EID1: variants seen among roughly 807,000 people sequenced by gnomAD.
EID1 encodes the protein EP300-interacting inhibitor of differentiation 1.
EID1 carries 3 observed loss-of-function variants against 13.7 expected under a neutral mutation model. The observed-to-expected ratio is 0.22, with a 90% CI of 0.10 to 0.57. EID1 has a LOEUF of 0.57. EID1 is among the 20% of genes least tolerant of loss of function. The pLI is 0.92. For missense variants in EID1, 261 were observed against 247.6 expected, an observed-to-expected ratio of 1.05 and a Z score of -0.36; for synonymous variants, 105 against 97.6, an observed-to-expected ratio of 1.08 and a Z score of -0.44.
Position 48,878,430 on chromosome 15 carries a change from C to G in EID1, c.254C>G (p.Pro85Arg). The G allele has an allele frequency of 6.2e-7, 1 of 1,612,660 alleles. No individual in the cohort carries two copies. Among genetic ancestry groups the G allele is most frequent in the South Asian group, 1.1e-5 (1 of 90,926 alleles). ...AACGGGCCCAACGCTGGGGAGCAGC[C>G]AGGCCAGGTGGCGGGCGCAGACTTC... ...LANGPNAGEQ[P>R]GQVAGADFES... The change falls in exon 1 of 1, where the codon CCA (proline) becomes CGA (arginine). Residue 85 changes from proline to arginine, a missense_variant. By Grantham distance (103) the Pro-to-Arg change is moderately radical. Coordinates refer to ENST00000530028, the MANE Select transcript of EID1 (RefSeq NM_014335.3).
Position 48,878,484 on chromosome 15 carries a change from A to C in EID1, c.308A>C (p.Asp103Ala). ...FESEDEGEEF[D>A]DWEDDYDYPE... ...AGCGAGGACGAGGGCGAGGAATTTG[A>C]TGACTGGGAGGACGACTACGACTAT... is the stretch of plus-strand genomic sequence containing the variant. The change falls in exon 1 of 1, where the codon GAT becomes GCT. Residue 103 changes from aspartate to alanine, a missense_variant. Transcript: ENST00000530028. 1 of 1,613,924 alleles carries C rather than the reference A, an allele frequency of 6.2e-7. No homozygotes were observed. The highest frequency in any genetic ancestry group is 8.5e-7 in the Non-Finnish European group (1 of 1,179,830).
Position 48,878,329 on chromosome 15 carries a change from G to T in EID1, c.153G>T (p.Gln51His), listed in dbSNP as rs528956826. 6.2e-7 allele frequency: 1 copy of T among 1,613,666 alleles called. No homozygotes were observed. The highest frequency in any genetic ancestry group is 1.3e-5 in the African/African-American group (1 of 75,066). ...GTCCCTCCCGCAGCGGGGCCCAACA[G>T]CTCGAGGAGGAAGGCCCAATGGAGG... is the stretch of plus-strand genomic sequence containing the variant. ...SLRPSRSGAQ[Q>H]LEEEGPMEEE... is the part of the protein sequence containing the mutation. The change falls in exon 1 of 1, where the codon CAG becomes CAT. Residue 51 changes from glutamine (Q) to histidine (H), a missense_variant. By Grantham distance (24) the Gln-to-His change is conservative. This residue lies in a region of EID1 where 244 missense variants were observed against 210.8 expected (regional missense o/e 1.16). Coordinates refer to ENST00000530028, the MANE Select transcript of EID1 (RefSeq NM_014335.3).
At position 48,879,666 on chromosome 15, in the gene EID1, A is replaced by T. The variant is rs1369271392; in HGVS notation, c.*926A>T. 6.0e-6 allele frequency: 1 copy of T among 167,116 alleles called. No homozygotes were observed. The allele number at this position is 167,116 out of a possible 1,614,324, so 10.4% of individuals were successfully genotyped here. A position where few individuals can be genotyped will look rare whatever the true frequency, so the allele number is the denominator to read the frequency against. On this transcript the variant is annotated 3_prime_UTR_variant, in exon 1 of 1. Coordinates refer to ENST00000530028, the MANE Select transcript of EID1 (RefSeq NM_014335.3). ...ATCTAAAAAGACTTTATGAACAGTTATTCTATCAACTTTTAAAGGTTTTAA... is the reference window on the plus strand; with the variant it reads ...ATCTAAAAAGACTTTATGAACAGTTTTTCTATCAACTTTTAAAGGTTTTAA...
Position 48,878,586 on chromosome 15 carries a change from G to T in EID1, c.410G>T (p.Arg137Ile). ...ALEEADKMFL[R>I]TREPALDGGF... ...GAAGAAGCCGACAAGATGTTTCTGAGAACAAGAGAACCAGCCCTGGATGGC... is the reference window on the plus strand; with the variant it reads ...GAAGAAGCCGACAAGATGTTTCTGATAACAAGAGAACCAGCCCTGGATGGC... Residue 137 changes from arginine to isoleucine, a missense_variant, in exon 1 of 1, where the codon AGA becomes ATA. Arg to Ile is a moderately conservative substitution (Grantham distance 97). This residue lies in a region of EID1 where 244 missense variants were observed against 210.8 expected (regional missense o/e 1.16). Coordinates refer to ENST00000530028, the MANE Select transcript of EID1 (RefSeq NM_014335.3). The T allele has an allele frequency of 6.2e-7, 1 of 1,614,064 alleles. No individual in the cohort carries two copies. Among genetic ancestry groups the T allele is most frequent in the Non-Finnish European group, 8.5e-7 (1 of 1,179,906 alleles).
rs933968403 is a variant in EID1 at position 48,880,155 on chromosome 15, G to T, written c.*1415G>T. 1 of 167,094 alleles carries T rather than the reference G, an allele frequency of 6.0e-6. No individual in the cohort carries two copies. Among genetic ancestry groups the T allele is most frequent in the Non-Finnish European group, 1.5e-5 (1 of 68,118 alleles). The allele number at this position is 167,094 out of a possible 1,614,324, so 10.4% of individuals were successfully genotyped here. On this transcript the variant is annotated 3_prime_UTR_variant, in exon 1 of 1. Transcript: ENST00000530028. ...GCTTCTGCTCCATTATAGCAGTAAAGAACGAATATCCAATGCAACAGGACA... is the reference window on the plus strand; with the variant it reads ...GCTTCTGCTCCATTATAGCAGTAAATAACGAATATCCAATGCAACAGGACA...
In EID1 at chr15:48,879,635, C is replaced by T. The variant is rs905508638; in HGVS notation, c.*895C>T. The T allele has an allele frequency of 4.8e-5, 8 of 166,946 alleles. No homozygotes were observed. Among genetic ancestry groups the T allele is most frequent in the Admixed American group, 2.0e-4 (3 of 15,268 alleles). 10.3% of individuals were successfully genotyped at this position (166,946 alleles called of 1,614,324 possible). ...TTAATAAAAGTTGTCAAGTAAAAAG[C>T]GCTATATCTAAAAAGACTTTATGAA... On this transcript the variant is annotated 3_prime_UTR_variant, in exon 1 of 1. Transcript: ENST00000530028.
chr15:48,878,240 A>C lies in EID1; in HGVS notation c.64A>C (p.Met22Leu). Residue 22 changes from methionine (M) to leucine (L), a missense_variant, in exon 1 of 1, where the codon ATG (methionine) becomes CTG (leucine). This residue lies in a region of EID1 where 244 missense variants were observed against 210.8 expected (regional missense o/e 1.16). Coordinates refer to ENST00000530028, the MANE Select transcript of EID1 (RefSeq NM_014335.3). ...EESSDLQMDV[M>L]PGEGDLPQME... ...GAGCAGTGACCTGCAGATGGATGTG[A>C]TGCCTGGCGAGGGTGACCTTCCGCA... is the stretch of plus-strand genomic sequence containing the variant. The C allele has an allele frequency of 6.2e-7, 1 of 1,610,248 alleles. No homozygotes were observed. Among genetic ancestry groups the C allele is most frequent in the East Asian group, 2.2e-5 (1 of 44,856 alleles).
chr15:48,879,887 A>G lies in EID1; in HGVS notation c.*1147A>G, dbSNP rs1236132446. ...TATGTGTTAACCAGTATTAAGGGAA[A>G]ATGATCCAGCTTCAGCTATCTAATT... is the stretch of plus-strand genomic sequence containing the variant. On this transcript the variant is annotated 3_prime_UTR_variant, in exon 1 of 1. Coordinates refer to ENST00000530028, the MANE Select transcript of EID1 (RefSeq NM_014335.3). 6.0e-6 allele frequency: 1 copy of G among 167,092 alleles called. No homozygotes were observed. Among genetic ancestry groups the G allele is most frequent in the Admixed American group, 6.5e-5 (1 of 15,296 alleles). The allele number at this position is 167,092 out of a possible 1,614,324, so 10.4% of individuals were successfully genotyped here.
In EID1 at chr15:48,880,103, A is replaced by T. The variant is rs1259160349; in HGVS notation, c.*1363A>T. On this transcript the variant is annotated 3_prime_UTR_variant, in exon 1 of 1. Transcript: ENST00000530028. Reference sequence around the variant, plus strand: ...CAAAATAAGTGTATCAGCAGGTTTTATCATGATCAGTAAAAATGTTCCAAA... The same window carrying T: ...CAAAATAAGTGTATCAGCAGGTTTTTTCATGATCAGTAAAAATGTTCCAAA... 1.2e-5 allele frequency: 2 copies of T among 167,128 alleles called. No homozygotes were observed. Among genetic ancestry groups the T allele is most frequent in the East Asian group, 3.8e-4 (2 of 5,198 alleles). 10.4% of individuals were successfully genotyped at this position (167,128 alleles called of 1,614,324 possible). A position where few individuals can be genotyped will look rare whatever the true frequency, so the allele number is the denominator to read the frequency against.
At position 48,878,147 on chromosome 15, in the gene EID1, C is replaced by T. The variant is rs768852656; in HGVS notation, c.-30C>T. ...CGCGCAGCATCTGTCTTGCTGGAAG[C>T]TTTTTCCTAGAGGTTGAGCGGTTTG... On this transcript the variant is annotated 5_prime_UTR_variant, in exon 1 of 1. Coordinates refer to ENST00000530028, the MANE Select transcript of EID1 (RefSeq NM_014335.3). 6.6e-7 allele frequency: 1 copy of T among 1,519,292 alleles called. No individual in the cohort carries two copies. The highest frequency in any genetic ancestry group is 2.3e-5 in the East Asian group (1 of 43,904). The allele number at this position is 1,519,292 out of a possible 1,614,324, so 94.1% of individuals were successfully genotyped here.
chr15:48,878,729 G>C lies in EID1; in HGVS notation c.553G>C (p.Asp185His), dbSNP rs1314938347. The C allele has an allele frequency of 6.2e-7, 1 of 1,612,640 alleles. No homozygotes were observed. The highest frequency in any genetic ancestry group is 2.2e-5 in the East Asian group (1 of 44,866). ...AGAACTCGGCTGTGATGAGATTATT[G>C]ATAGAGAGTAGTTAGATGCTGTTAA... ...TEELGCDEII[D>H]RE The change falls in exon 1 of 1, where the codon GAT (aspartate) becomes CAT (histidine). Residue 185 changes from aspartate (D) to histidine (H), a missense_variant. Around this residue, in one of 2 missense-constraint regions of EID1, gnomAD observed 17 missense variants for 36.7 expected, o/e 0.46. Coordinates refer to ENST00000530028, the MANE Select transcript of EID1 (RefSeq NM_014335.3).
At position 48,879,684 on chromosome 15, in the gene EID1, G is replaced by C. The variant is rs539013022; in HGVS notation, c.*944G>C. ...AACAGTTATTCTATCAACTTTTAAA[G>C]GTTTTAAACCTGCCCAGAAATTACC... On this transcript the variant is annotated 3_prime_UTR_variant, in exon 1 of 1. Transcript: ENST00000530028. 6.6e-5 allele frequency: 11 copies of C among 167,166 alleles called. No homozygotes were observed. In the East Asian group the frequency reaches 2.1e-3, roughly 32 times the overall value. The allele number at this position is 167,166 out of a possible 1,614,324, so 10.4% of individuals were successfully genotyped here.
rs1899902247 is a variant in EID1 at position 48,879,686 on chromosome 15, T to C, written c.*946T>C. The C allele has an allele frequency of 6.0e-6, 1 of 167,078 alleles. No homozygotes were observed. The highest frequency in any genetic ancestry group is 2.4e-5 in the African/African-American group (1 of 41,456). 10.3% of individuals were successfully genotyped at this position (167,078 alleles called of 1,614,324 possible). On this transcript the variant is annotated 3_prime_UTR_variant, in exon 1 of 1. Coordinates refer to ENST00000530028, the MANE Select transcript of EID1 (RefSeq NM_014335.3). ...CAGTTATTCTATCAACTTTTAAAGG[T>C]TTTAAACCTGCCCAGAAATTACCTT...
At position 48,879,290 on chromosome 15, in the gene EID1, A is replaced by C. The variant is rs1899893067; in HGVS notation, c.*550A>C. ...GTAAGATAAATGGATGAGTAAACTCAAATATGTATCACGTGTGCTTTGTAT... is the reference window on the plus strand; with the variant it reads ...GTAAGATAAATGGATGAGTAAACTCCAATATGTATCACGTGTGCTTTGTAT... On this transcript the variant is annotated 3_prime_UTR_variant, in exon 1 of 1. Transcript: ENST00000530028. The C allele has an allele frequency of 6.0e-6, 1 of 167,882 alleles. No individual in the cohort carries two copies. The highest frequency in any genetic ancestry group is 2.0e-4 in the South Asian group (1 of 4,908). 10.4% of individuals were successfully genotyped at this position (167,882 alleles called of 1,614,324 possible).
rs1899897929 is a variant in EID1 at position 48,879,528 on chromosome 15, T to C, written c.*788T>C. ...AAACAAACCATTGCTTATGCTGTTA[T>C]ATACTAGAGAAATTTTGTTTTGCTT... On this transcript the variant is annotated 3_prime_UTR_variant, in exon 1 of 1. Coordinates refer to ENST00000530028, the MANE Select transcript of EID1 (RefSeq NM_014335.3). 6.0e-6 allele frequency: 1 copy of C among 167,100 alleles called. No homozygotes were observed. The highest frequency in any genetic ancestry group is 2.1e-4 in the South Asian group (1 of 4,834). 10.4% of individuals were successfully genotyped at this position (167,100 alleles called of 1,614,324 possible). A position where few individuals can be genotyped will look rare whatever the true frequency, so the allele number is the denominator to read the frequency against.
At position 48,879,438 on chromosome 15, in the gene EID1, A is replaced by C. The variant is rs1252687526; in HGVS notation, c.*698A>C. 3 of 167,122 alleles carry C rather than the reference A, an allele frequency of 1.8e-5. No homozygotes were observed. Among genetic ancestry groups the C allele is most frequent in the Non-Finnish European group, 4.4e-5 (3 of 68,118 alleles). The allele number at this position is 167,122 out of a possible 1,614,324, so 10.4% of individuals were successfully genotyped here. A position where few individuals can be genotyped will look rare whatever the true frequency, so the allele number is the denominator to read the frequency against. ...GTCATAACCATTTTTAAAAGTCAAA[A>C]ATTAAGACATCCTTAATTAAAAAGT... On this transcript the variant is annotated 3_prime_UTR_variant, in exon 1 of 1. Coordinates refer to ENST00000530028, the MANE Select transcript of EID1 (RefSeq NM_014335.3).
In EID1 at chr15:48,879,585, G is replaced by C. The variant is rs1278986288; in HGVS notation, c.*845G>C. 6.0e-6 allele frequency: 1 copy of C among 167,032 alleles called. No homozygotes were observed. The highest frequency in any genetic ancestry group is 1.5e-5 in the Non-Finnish European group (1 of 68,112). 10.3% of individuals were successfully genotyped at this position (167,032 alleles called of 1,614,324 possible). On this transcript the variant is annotated 3_prime_UTR_variant, in exon 1 of 1. Coordinates refer to ENST00000530028, the MANE Select transcript of EID1 (RefSeq NM_014335.3). ...TTAACTTGACAGATGAAGGACTTTA[G>C]TTGAACTTCATATTGTAAGAACTGT...
At position 48,878,590 on chromosome 15, in the gene EID1, A is replaced by G; in HGVS notation, c.414A>G (p.Thr138=). The change falls in exon 1 of 1, where the codon ACA becomes ACG. Residue 138 remains threonine, a synonymous_variant. Coordinates refer to ENST00000530028, the MANE Select transcript of EID1 (RefSeq NM_014335.3). The part of the protein sequence containing the change: ...LEEADKMFLR[T]REPALDGGFQ... ...AAGCCGACAAGATGTTTCTGAGAAC[A>G]AGAGAACCAGCCCTGGATGGCGGGT... The G allele has an allele frequency of 3.7e-6, 6 of 1,614,084 alleles. No homozygotes were observed. Among genetic ancestry groups the G allele is most frequent in the Non-Finnish European group, 5.1e-6 (6 of 1,179,904 alleles).
chr15:48,878,558 C>T lies in EID1; in HGVS notation c.382C>T (p.Leu128Phe). 1.2e-6 allele frequency: 2 copies of T among 1,614,066 alleles called. No homozygotes were observed. The highest frequency in any genetic ancestry group is 1.7e-6 in the Non-Finnish European group (2 of 1,179,908). The change falls in exon 1 of 1, where the codon CTT (leucine) becomes TTT (phenylalanine). Residue 128 changes from leucine (L) to phenylalanine (F), a missense_variant. Leu to Phe is a conservative substitution (Grantham distance 22, BLOSUM62 0). Transcript: ENST00000530028. The stretch of plus-strand genomic sequence containing the variant: ...TGCCGGCTACAGAGTATCAGCCGCT[C>T]TTGAAGAAGCCGACAAGATGTTTCT... ...SGAGYRVSAALEEADKMFLRT... is the reference protein window; with the variant it reads ...SGAGYRVSAAFEEADKMFLRT...
Sources: allele counts gnomAD v4.1 joint callset, GRCh38; gene constraint gnomAD v4.1.1; regional missense constraint gnomAD v4.1.1; transcripts MANE v1.5; gene names NCBI Gene and HGNC (gene_info 2026-07-23, HGNC 2026-07-21).